Variants in SGTA observed in about 807,000 individuals in gnomAD.
The protein encoded by SGTA is small glutamine-rich tetratricopeptide repeat-containing protein alpha.
SGTA carries 22 observed loss-of-function variants against 44.3 expected under a neutral mutation model. The observed-to-expected ratio is 0.50, with a 90% CI of 0.36 to 0.71. SGTA has a LOEUF of 0.71. SGTA is among the 30% of genes least tolerant of loss of function. SGTA has a pLI of 0.00. For missense variants in SGTA, 341 were observed against 435.9 expected, an observed-to-expected ratio of 0.78 and a Z score of 1.94; for synonymous variants, 174 against 177.6, an observed-to-expected ratio of 0.98 and a Z score of 0.16.
intron 1 of SGTA, among the ~76,000 whole-genome samples, chr19:2,775,285 A>G (rs55733610): frequency 5.4e-4 from 83 of 152,350 alleles, no homozygotes; most frequent in African/African-American, 1.9e-3. Context: ...TGGTTCCCCT[A>G]AAATGCCTCT....
intron 8 of SGTA, 88 bp from the exon 9 acceptor site, chr19:2,759,382 G>C: frequency 8.0e-7 from 1 of 1,254,828 alleles, no homozygotes; most frequent in South Asian, 1.2e-5. Flanking sequence ...AACCAGCCTT[G>C]GTTCTGGACT....
In SGTA at chr19:2,765,317, G is replaced by GTTT; in HGVS notation, c.293-33_293-32insAAA. On this transcript the variant is annotated intron_variant, in intron 4 of 11. Transcript: ENST00000221566. The surrounding 1 kb of genome is among the most constrained non-coding windows in gnomAD (Gnocchi z 5.5). The stretch of plus-strand genomic sequence containing the variant: ...GGAGAGAGGAAAACACCGGCCCGGT[G>GTTT]TCCACACAGACCGGAGGGGGTGTCA... The GTTT allele has an allele frequency of 1.3e-6, 2 of 1,529,702 alleles. No homozygotes were observed. Among genetic ancestry groups the GTTT allele is most frequent in the Non-Finnish European group, 1.8e-6 (2 of 1,106,276 alleles). 94.8% of individuals were successfully genotyped at this position (1,529,702 alleles called of 1,614,324 possible).
At chr19:2,768,791 C>T (rs1768147769) in intron 2 of SGTA, among the ~76,000 whole-genome samples, 178 bp downstream of exon 2, 1 of 152,362 alleles carries the variant, frequency 6.6e-6, no homozygotes, top group East Asian at 1.9e-4. Flanking sequence ...TCAGCTCGGC[C>T]CTGGCTCCCA....
chr19:2,768,644 A>G (rs577595431), intron 2 of SGTA, among the ~76,000 whole-genome samples: 45 of 152,326 alleles, frequency 3.0e-4, no homozygotes, highest in African/African-American at 1.1e-3. Flanking sequence ...CGATGGTGAC[A>G]CACACACACT....
intron 1 of SGTA, among the ~76,000 whole-genome samples, chr19:2,778,524 C>T (rs118001620): frequency 0.015 from 2,288 of 151,588 alleles, 29 homozygotes; most frequent in Non-Finnish European, 0.025. Flanking sequence ...CCGCCACATC[C>T]CAGAGAACCT....
chr19:2,757,604 G>A (rs1248162264), intron 10 of SGTA, 89 bp downstream of exon 10: 17 of 1,437,948 alleles, frequency 1.2e-5, no homozygotes, highest in African/African-American at 1.4e-5. Context: ...AGCAGGGGAC[G>A]CAGCACTTTC....
intron 1 of SGTA, among the ~76,000 whole-genome samples, chr19:2,782,958 C>T (rs1915604935): frequency 1.3e-5 from 2 of 152,232 alleles, no homozygotes; most frequent in Admixed American, 1.3e-4. Flanking sequence ...GCGCTCACTA[C>T]ATGCGGGGCG....
At chr19:2,778,289 C>T (rs1420605391) in intron 1 of SGTA, among the ~76,000 whole-genome samples, 2 of 152,160 alleles carry the variant, frequency 1.3e-5, no homozygotes, top group East Asian at 3.9e-4. Flanking sequence ...ACCAAGAAAT[C>T]TCATCTTTGG....
intron 1 of SGTA, among the ~76,000 whole-genome samples, chr19:2,779,091 A>G (rs1915512468): frequency 6.6e-6 from 1 of 152,130 alleles, no homozygotes; most frequent in Non-Finnish European, 1.5e-5. Context: ...ACAACCACAC[A>G]TGTCCCCAGA....
chr19:2,781,842 GA>G (rs1199348627), intron 1 of SGTA, among the ~76,000 whole-genome samples: 4 of 148,046 alleles, frequency 2.7e-5, no homozygotes, highest in East Asian at 1.9e-4. Context: ...ATCTAGGGTA[GA>G]TTTTTTTTTT....
chr19:2,767,334 G>T lies in SGTA; in HGVS notation c.208-114C>A. 1 of 832,996 alleles carries T rather than the reference G, an allele frequency of 1.2e-6. No homozygotes were observed. The highest frequency in any genetic ancestry group is 1.6e-5 in the South Asian group (1 of 61,380). 51.6% of individuals were successfully genotyped at this position (832,996 alleles called of 1,614,324 possible). On this transcript the variant is annotated intron_variant, in intron 3 of 11. Transcript: ENST00000221566. This position sits in a 1 kb window ranked among gnomAD's most constrained non-coding sequence, Gnocchi z 7.3. Reference sequence around the variant, plus strand: ...CCACCAAGTTCCGAAGGACCCGGGGGCTCTGCAGGGGACTCCTGGCCCCCC... The same window carrying T: ...CCACCAAGTTCCGAAGGACCCGGGGTCTCTGCAGGGGACTCCTGGCCCCCC...
chr19:2,778,497 G>GCCC (rs34899623), intron 1 of SGTA, among the ~76,000 whole-genome samples: 10 of 149,668 alleles, frequency 6.7e-5, no homozygotes, highest in East Asian at 2.0e-4. Flanking sequence ...CTGGAACACC[G>GCCC]CCCCCCCCGG....
chr19:2,757,061 C>T (rs1324792373), intron 11 of SGTA, among the ~76,000 whole-genome samples: 1 of 152,206 alleles, frequency 6.6e-6, no homozygotes, highest in Non-Finnish European at 1.5e-5. Context: ...TGGCTCTCCC[C>T]TAATCTCCAC....
intron 9 of SGTA, 123 bp downstream of exon 9, chr19:2,759,134 G>T: frequency 1.2e-6 from 1 of 841,364 alleles, no homozygotes; most frequent in East Asian, 2.5e-5. Context: ...ATGACAGTGT[G>T]AAAGTCCTTA....
chr19:2,779,604 C>A (rs1242508675), intron 1 of SGTA, among the ~76,000 whole-genome samples: 2 of 152,224 alleles, frequency 1.3e-5, no homozygotes. Flanking sequence ...GCTCAGGAGC[C>A]ATGGCCGAGG....
intron 1 of SGTA, among the ~76,000 whole-genome samples, chr19:2,777,064 A>G (rs1008581430): frequency 2.7e-5 from 4 of 150,796 alleles, no homozygotes; most frequent in South Asian, 2.1e-4. Flanking sequence ...GGAGTTCGAG[A>G]CCAGCCTGAC....
chr19:2,782,401 T>C (rs949565559), intron 1 of SGTA, among the ~76,000 whole-genome samples: 1 of 152,222 alleles, frequency 6.6e-6, no homozygotes, highest in African/African-American at 2.4e-5. Flanking sequence ...TTCTGGCACC[T>C]AATAACAAAA....
At chr19:2,759,207 A>G (rs768430431) in intron 9 of SGTA, 50 bp downstream of exon 9, 33 of 1,564,828 alleles carry the variant, frequency 2.1e-5, no homozygotes, top group Non-Finnish European at 2.9e-5. Flanking sequence ...ACCCACAATA[A>G]AAGGAAATTT....
chr19:2,766,037 T>C (rs1915133126), intron 4 of SGTA, among the ~76,000 whole-genome samples: 1 of 152,074 alleles, frequency 6.6e-6, no homozygotes, highest in Non-Finnish European at 1.5e-5. Context: ...GCCAACACAG[T>C]GAAACCTGTC....
Sources: gnomAD v4.1 joint callset for allele counts (sites outside exome capture counted in the v4.1 genomes callset) on GRCh38, gnomAD v4.1.1 for gene constraint, Gnocchi (gnomAD v3.1) non-coding constraint, MANE v1.5 for transcripts, NCBI Gene and HGNC (gene_info 2026-07-23, HGNC 2026-07-21) for gene names.